Variants in GABRB1 observed in about 807,000 individuals in gnomAD.
GABRB1 encodes the protein gamma-aminobutyric acid receptor subunit beta-1.
A neutral mutation model predicts 51.6 loss-of-function variants in GABRB1; 17 were observed. That is an observed-to-expected ratio of 0.33 (90% CI 0.23 to 0.49). The LOEUF is 0.49. Ranked by LOEUF, GABRB1 falls within the 20% of genes least tolerant of loss-of-function variation. The pLI, the probability that GABRB1 is intolerant of heterozygous loss-of-function variation, is 0.99. For synonymous variants in GABRB1, 247 were observed against 218.9 expected, an observed-to-expected ratio of 1.13 and a Z score of -1.14; for missense variants, 410 against 600.6, an observed-to-expected ratio of 0.68 and a Z score of 3.32.
chr4:47,040,480 C>T lies in GABRB1; in HGVS notation c.240+7996C>T, dbSNP rs1725791732. On this transcript the variant is annotated intron_variant, in intron 3 of 8. Coordinates refer to ENST00000295454, the MANE Select transcript of GABRB1 (RefSeq NM_000812.4). ...TTAGAGAAGAAATGAGCCCTGCATC[C>T]CCATCTATGGTTCCATATTAAGTGA... Among the ~76,000 whole-genome samples the T allele has an allele frequency of 2.0e-5, 3 of 152,016 alleles. No homozygotes were observed. In the South Asian group the frequency reaches 6.2e-4, roughly 32 times the overall value.
intron 3 of GABRB1, among the ~76,000 whole-genome samples, chr4:47,132,148 C>T (rs940409395): frequency 6.6e-6 from 1 of 152,156 alleles, no homozygotes; most frequent in Non-Finnish European, 1.5e-5. Flanking sequence ...GCTCATTTCA[C>T]TAGAAAGCGT....
rs551724671 is a variant in GABRB1 at position 47,193,920 on chromosome 4, C to A, written c.461+32451C>A. ...GCAATTTTTATGACCGAGAAAAGGGCAGCAGCTTCTTTTTACCTCTTAAGT... is the reference window on the plus strand; with the variant it reads ...GCAATTTTTATGACCGAGAAAAGGGAAGCAGCTTCTTTTTACCTCTTAAGT... On this transcript the variant is annotated intron_variant, in intron 4 of 8. Transcript: ENST00000295454. Among the ~76,000 whole-genome samples the A allele has an allele frequency of 1.6e-4, 25 of 152,198 alleles. No homozygotes were observed. The South Asian group carries it at 3.1e-3, about 19-fold the overall frequency.
chr4:47,235,003 T>C (rs899705267), intron 4 of GABRB1, among the ~76,000 whole-genome samples: 9 of 152,202 alleles, frequency 5.9e-5, no homozygotes, highest in African/African-American at 1.9e-4. Flanking sequence ...TTCTATCTTG[T>C]ATCCTTTGTA....
At chr4:46,999,233 A>C (rs1310688808) in intron 1 of GABRB1, among the ~76,000 whole-genome samples, 1 of 152,212 alleles carries the variant, frequency 6.6e-6, no homozygotes, top group Non-Finnish European at 1.5e-5. Context: ...AAACATTGTT[A>C]AATTTGTTGC....
At chr4:47,177,337 G>T (rs2109764079) in intron 4 of GABRB1, among the ~76,000 whole-genome samples, 1 of 152,146 alleles carries the variant, frequency 6.6e-6, no homozygotes, top group South Asian at 2.1e-4. Context: ...GGGTAAATGT[G>T]GGCAGAACTA....
chr4:47,400,423 A>G lies in GABRB1; in HGVS notation c.545-2895A>G, dbSNP rs191465453. On this transcript the variant is annotated intron_variant, in intron 5 of 8. Transcript: ENST00000295454. ...TATATGCATTGTTATTTTTTCTTGC[A>G]TATTCTTTGGGGTTTGGGCCCAGCT... Among the ~76,000 whole-genome samples the G allele has an allele frequency of 3.2e-3, 485 of 151,884 alleles. 1 individual carries two copies. The highest frequency in any genetic ancestry group is 6.8e-3 in the Middle Eastern group (2 of 294).
intron 3 of GABRB1, among the ~76,000 whole-genome samples, chr4:47,119,652 G>A (rs1036003852): frequency 2.0e-5 from 3 of 151,912 alleles, no homozygotes; most frequent in Admixed American, 1.3e-4. Context: ...GGGATTACAT[G>A]CATGCACCAC....
intron 4 of GABRB1, among the ~76,000 whole-genome samples, chr4:47,299,777 A>G (rs1426831231): frequency 1.3e-5 from 2 of 152,184 alleles, no homozygotes; most frequent in Non-Finnish European, 2.9e-5. Flanking sequence ...GCTGTTATAA[A>G]GACACATGCA....
At chr4:47,156,337 C>CAT (rs1470945905) in intron 3 of GABRB1, among the ~76,000 whole-genome samples, 2 of 151,876 alleles carry the variant, frequency 1.3e-5, no homozygotes, top group African/African-American at 4.8e-5. Context: ...GAGATATTTT[C>CAT]ATGTAATGCA....
chr4:47,374,753 A>T (rs1727322020), intron 5 of GABRB1, among the ~76,000 whole-genome samples: 1 of 152,232 alleles, frequency 6.6e-6, no homozygotes, highest in Non-Finnish European at 1.5e-5. Flanking sequence ...TGCTGAAGGC[A>T]AGTTTTTTTT....
At chr4:47,199,232 C>T (rs1246129420) in intron 4 of GABRB1, among the ~76,000 whole-genome samples, 1 of 152,140 alleles carries the variant, frequency 6.6e-6, no homozygotes, top group Non-Finnish European at 1.5e-5. Flanking sequence ...TCTTAACTTA[C>T]TCAAATTGCA....
Position 47,415,322 on chromosome 4 carries a change from T to C in GABRB1, c.1080+8396T>C, listed in dbSNP as rs114251689. ...AGGTGTCCAAACAATTTGTCAGAAG[T>C]ATCTCTCTTCATCTCTTAATTCTGC... On this transcript the variant is annotated intron_variant, in intron 8 of 8. Coordinates refer to ENST00000295454, the MANE Select transcript of GABRB1 (RefSeq NM_000812.4). 3.5e-3 allele frequency among the ~76,000 whole-genome samples: 533 copies of C among 152,278 alleles called. 2 individuals carry two copies. The highest frequency in any genetic ancestry group is 6.6e-3 in the Non-Finnish European group (446 of 68,020).
chr4:47,061,582 A>G (rs551162890), intron 3 of GABRB1, among the ~76,000 whole-genome samples: 25 of 152,324 alleles, frequency 1.6e-4, no homozygotes, highest in African/African-American at 3.4e-4. Flanking sequence ...TCTGTGGTTA[A>G]CAATGTTTTA....
chr4:47,075,737 TAGTATA>T (rs1469671360), intron 3 of GABRB1, among the ~76,000 whole-genome samples: 1 of 152,004 alleles, frequency 6.6e-6, no homozygotes, highest in Non-Finnish European at 1.5e-5. Context: ...AATGTGAAAA[TAGTATA>T]AGTAAAAACA....
intron 7 of GABRB1, 44 bp downstream of exon 7, chr4:47,403,755 T>C (rs1728478246): frequency 1.3e-6 from 2 of 1,585,884 alleles, no homozygotes; most frequent in African/African-American, 2.7e-5. Context: ...GATTTTACTT[T>C]CAAACAAATA....
chr4:47,185,942 T>C (rs923070545), intron 4 of GABRB1, among the ~76,000 whole-genome samples: 31 of 151,806 alleles, frequency 2.0e-4, no homozygotes, highest in African/African-American at 5.6e-4. Flanking sequence ...GTCCTTCTGT[T>C]CATCTGTCTC....
intron 3 of GABRB1, among the ~76,000 whole-genome samples, chr4:47,122,416 T>C: frequency 6.6e-6 from 1 of 152,156 alleles, no homozygotes; most frequent in African/African-American, 2.4e-5. Flanking sequence ...CCAGAACAGA[T>C]TTCTTTTTGA....
At chr4:47,001,289 C>G (rs1038081167) in intron 1 of GABRB1, among the ~76,000 whole-genome samples, 1 of 151,798 alleles carries the variant, frequency 6.6e-6, no homozygotes, top group Non-Finnish European at 1.5e-5. Flanking sequence ...ACTACAGGCG[C>G]CCCCCACCAC....
intron 4 of GABRB1, among the ~76,000 whole-genome samples, chr4:47,232,861 C>A (rs1721191005): frequency 6.6e-6 from 1 of 150,874 alleles, no homozygotes; most frequent in African/African-American, 2.5e-5. Flanking sequence ...CTGCCACACC[C>A]AGATTATGAT....
Sources: gnomAD v4.1 joint callset for allele counts (sites outside exome capture counted in the v4.1 genomes callset) on GRCh38, gnomAD v4.1.1 for gene constraint, MANE v1.5 for transcripts, NCBI Gene and HGNC (gene_info 2026-07-23, HGNC 2026-07-21) for gene names.